The following STK4 variants were observed in gnomAD, a reference collection of about 807,000 sequenced individuals.
STK4 encodes serine/threonine kinase 4, also known as serine/threonine-protein kinase 4.
STK4 carries 30 observed loss-of-function variants against 64.9 expected under a neutral mutation model. The observed-to-expected ratio is 0.46, with a 90% CI of 0.35 to 0.63. The LOEUF (loss-of-function observed/expected upper bound fraction) is 0.63. Among genes scored for constraint, STK4 ranks in the 20% least tolerant of loss-of-function variants. The pLI is 0.01. For missense variants in STK4, 466 were observed against 598.5 expected, an observed-to-expected ratio of 0.78 and a Z score of 2.31; for synonymous variants, 177 against 199.0, an observed-to-expected ratio of 0.89 and a Z score of 0.93.
At position 44,967,716 on chromosome 20, in the gene STK4, T is replaced by C. The variant is rs577660920; in HGVS notation, c.35+1113T>C. Among the ~76,000 whole-genome samples, 13 of 152,322 alleles carry C rather than the reference T, an allele frequency of 8.5e-5. No homozygotes were observed. The South Asian group carries it at 2.7e-3, about 32-fold the overall frequency. ...AGGTGAAGAGAAGGGATTGACTGCC[T>C]GGGCAGCACTCTTAGGGGTTGTTTG... On this transcript the variant is annotated intron_variant, in intron 1 of 10. Coordinates refer to ENST00000372806, the MANE Select transcript of STK4 (RefSeq NM_006282.5).
At chr20:45,066,835 T>C (rs189946127) in intron 10 of STK4, among the ~76,000 whole-genome samples, 17 of 152,348 alleles carry the variant, frequency 1.1e-4, no homozygotes, top group Admixed American at 3.3e-4. Context: ...AAGTCTCTTA[T>C]TAAAATTCCC....
intron 5 of STK4, among the ~76,000 whole-genome samples, chr20:44,990,752 G>T (rs1285225170): frequency 6.6e-6 from 1 of 152,086 alleles, no homozygotes; most frequent in Admixed American, 6.6e-5. Flanking sequence ...TGCCAGGGTG[G>T]GGCGAGGGAA....
In STK4 at chr20:44,997,106, T is replaced by G. The variant is rs1433114912; in HGVS notation, c.694-63T>G. 3.1e-6 allele frequency: 5 copies of G among 1,602,038 alleles called. No individual in the cohort carries two copies. The Middle Eastern group carries it at 5.0e-4, about 160-fold the overall frequency. On this transcript the variant is annotated intron_variant, in intron 6 of 10. Coordinates refer to ENST00000372806, the MANE Select transcript of STK4 (RefSeq NM_006282.5). ...GCTTCAAATGTAATTCCACATGTAT[T>G]TTTTATTGGAGCATTACTTTTATTT... is the stretch of plus-strand genomic sequence containing the variant.
chr20:45,057,855 AC>A (rs1978623378), intron 10 of STK4, among the ~76,000 whole-genome samples: 1 of 152,236 alleles, frequency 6.6e-6, no homozygotes, highest in Non-Finnish European at 1.5e-5. Context: ...GAGAAGTATT[AC>A]CATGGCATAA....
At chr20:45,011,731 T>TATATATC (rs1428985946) in intron 9 of STK4, among the ~76,000 whole-genome samples, 1 of 81,172 alleles carries the variant, frequency 1.2e-5, no homozygotes, top group Non-Finnish European at 2.3e-5. Flanking sequence ...ATATATATAT[T>TATATATC]TTTTTTTTTT....
chr20:44,997,200 C>T lies in STK4; in HGVS notation c.725C>T (p.Pro242Leu), dbSNP rs751578463. The change falls in exon 7 of 11, where the codon CCC (proline) becomes CTC (leucine). Residue 242 changes from proline (P) to leucine (L), a missense_variant. Physicochemically the swap from Pro to Leu is moderately conservative, Grantham distance 98 (BLOSUM62 -3). Transcript: ENST00000372806. ...TTCATGATTCCTACAAATCCTCCTC[C>T]CACATTCCGAAAACCAGAGCTATGG... ...AIFMIPTNPP[P>L]TFRKPELWSD... 1 of 1,613,970 alleles carries T rather than the reference C, an allele frequency of 6.2e-7. No individual in the cohort carries two copies. The highest frequency in any genetic ancestry group is 8.5e-7 in the Non-Finnish European group (1 of 1,179,892).
At chr20:45,074,563 C>T (rs1980354544) in intron 10 of STK4, among the ~76,000 whole-genome samples, 2 of 151,746 alleles carry the variant, frequency 1.3e-5, no homozygotes, top group African/African-American at 4.8e-5. Context: ...TCATCAGCAT[C>T]GATCCTCCAT....
At chr20:45,001,896 A>G (rs1348068711) in intron 9 of STK4, among the ~76,000 whole-genome samples, 1 of 152,176 alleles carries the variant, frequency 6.6e-6, no homozygotes, top group Non-Finnish European at 1.5e-5. Context: ...GACTAGGCCT[A>G]ACATCTTGTG....
At chr20:45,070,885 CAAA>C (rs34886047) in intron 10 of STK4, among the ~76,000 whole-genome samples, 5 of 108,792 alleles carry the variant, frequency 4.6e-5, no homozygotes, top group African/African-American at 3.4e-5. Flanking sequence ...GACTCCGTCT[CAAA>C]AAAAAAAAAA....
At chr20:44,969,418 T>C (rs144878107) in intron 1 of STK4, among the ~76,000 whole-genome samples, 1 of 152,344 alleles carries the variant, frequency 6.6e-6, no homozygotes, top group African/African-American at 2.4e-5. Flanking sequence ...TTTGGAAAGA[T>C]ACAGGTGTCT....
rs1036990057 is a variant in STK4, at chr20:45,025,109, A to G, written c.1284A>G (p.Pro428=). The part of the protein sequence containing the change: ...PLKNSSDWKI[P]QDGDYEFLKS... ...AAAATTCTTCAGATTGGAAAATACC[A>G]CAGGATGGAGACTACGAGTTTGTAA... The change falls in exon 10 of 11, where the codon CCA becomes CCG. Residue 428 remains proline, a synonymous_variant. Transcript: ENST00000372806. 1.3e-5 allele frequency: 21 copies of G among 1,612,912 alleles called. No individual in the cohort carries two copies. Among genetic ancestry groups the G allele is most frequent in the Middle Eastern group, 3.3e-4 (2 of 6,080 alleles).
At chr20:45,066,430 G>A (rs953664401) in intron 10 of STK4, among the ~76,000 whole-genome samples, 2 of 152,112 alleles carry the variant, frequency 1.3e-5, no homozygotes, top group African/African-American at 4.8e-5. Context: ...GTGTGTACAC[G>A]CACGATGTAC....
chr20:44,969,010 T>C (rs2067201254), intron 1 of STK4, among the ~76,000 whole-genome samples: 2 of 152,186 alleles, frequency 1.3e-5, no homozygotes, highest in Admixed American at 1.3e-4. Context: ...GACTCGTAGA[T>C]GGCCATCTCC....
intron 9 of STK4, among the ~76,000 whole-genome samples, chr20:45,017,717 C>A (rs926684421): frequency 6.6e-6 from 1 of 152,114 alleles, no homozygotes; most frequent in Non-Finnish European, 1.5e-5. Flanking sequence ...AGATGTGGAC[C>A]ATTCTCACCT....
chr20:45,020,866 C>T (rs938813839), intron 9 of STK4, among the ~76,000 whole-genome samples: 4 of 151,190 alleles, frequency 2.6e-5, no homozygotes, highest in Non-Finnish European at 5.9e-5. Flanking sequence ...GGCTGGAGTA[C>T]AGTTGTGCGA....
chr20:45,062,960 G>T (rs1979201563), intron 10 of STK4, among the ~76,000 whole-genome samples: 1 of 135,362 alleles, frequency 7.4e-6, no homozygotes, highest in Non-Finnish European at 1.6e-5. Flanking sequence ...AAAGTGCTGG[G>T]ATTACAGGTG....
rs1260289464 is a variant in STK4 at position 44,981,529 on chromosome 20, T to C, written c.246-300T>C. On this transcript the variant is annotated intron_variant, in intron 3 of 10. Coordinates refer to ENST00000372806, the MANE Select transcript of STK4 (RefSeq NM_006282.5). ...GATGATATCTAAATTTCCACTTTTG[T>C]CAATAGTGCTATGATGGTAACTGTT... Among the ~76,000 whole-genome samples the C allele has an allele frequency of 2.0e-5, 3 of 152,332 alleles. No individual in the cohort carries two copies. The East Asian group carries it at 5.8e-4, about 29-fold the overall frequency.
At chr20:45,004,047 T>C (rs1601245012) in intron 9 of STK4, among the ~76,000 whole-genome samples, 1 of 152,036 alleles carries the variant, frequency 6.6e-6, no homozygotes, top group Admixed American at 6.6e-5. Context: ...AAATGATAAC[T>C]GTTGGTTAGT....
At chr20:44,999,417 G>T (rs777773571) in intron 7 of STK4, among the ~76,000 whole-genome samples, 15 of 152,136 alleles carry the variant, frequency 9.9e-5, no homozygotes, top group African/African-American at 3.4e-4. Flanking sequence ...TTCTTACTTG[G>T]AACTTGTATC....
Sources: gnomAD v4.1 joint callset for allele counts (sites outside exome capture counted in the v4.1 genomes callset) on GRCh38, gnomAD v4.1.1 for gene constraint, MANE v1.5 for transcripts, NCBI Gene and HGNC (gene_info 2026-07-23, HGNC 2026-07-21) for gene names.